INPP5A: variants seen among roughly 807,000 people sequenced by gnomAD.
INPP5A encodes 43 kDa inositol polyphosphate 5-phophatase.
INPP5A carries 14 observed loss-of-function variants against 65.2 expected under a neutral mutation model. The observed-to-expected ratio is 0.21, with a 90% CI of 0.14 to 0.34. The LOEUF (loss-of-function observed/expected upper bound fraction) is 0.34, where lower values mean the gene tolerates loss of function less well. Among genes scored for constraint, INPP5A ranks in the 10% least tolerant of loss-of-function variants. The probability of loss-of-function intolerance (pLI) is 1.00; values close to 1 mark genes in which losing one functional copy is unlikely to be tolerated. For missense variants in INPP5A, 431 were observed against 545.6 expected, an observed-to-expected ratio of 0.79 and a Z score of 2.09; for synonymous variants, 207 against 208.3, an observed-to-expected ratio of 0.99 and a Z score of 0.05.
At position 132,705,279 on chromosome 10, in the gene INPP5A, A is replaced by G. The variant is rs1215781309; in HGVS notation, c.475-3034A>G. 3.3e-5 allele frequency among the ~76,000 whole-genome samples: 5 copies of G among 152,168 alleles called. No individual in the cohort carries two copies. The highest frequency in any genetic ancestry group is 7.4e-5 in the Non-Finnish European group (5 of 68,022). Reference sequence around the variant, plus strand: ...AGGAGGCGGACATGTTTGGAATCAGAGACAAGTGTCTGGTGCAGCACGCAG... The same window carrying G: ...AGGAGGCGGACATGTTTGGAATCAGGGACAAGTGTCTGGTGCAGCACGCAG... On this transcript the variant is annotated intron_variant, in intron 6 of 15. Transcript: ENST00000368594. The surrounding 1 kb of genome is among the most constrained non-coding windows in gnomAD (Gnocchi z 4.9).
At position 132,550,615 on chromosome 10, in the gene INPP5A, C is replaced by G. The variant is rs189542279; in HGVS notation, c.75+12444C>G. Among the ~76,000 whole-genome samples the G allele has an allele frequency of 6.6e-5, 10 of 152,218 alleles. No homozygotes were observed. Among genetic ancestry groups the G allele is most frequent in the African/African-American group, 1.4e-4 (6 of 41,454 alleles). Reference sequence around the variant, plus strand: ...ACCTTCTGAATGCAAGTGGCCAAGCCGGCATTCTGGCTGGGCTCGCTGGCC... The same window carrying G: ...ACCTTCTGAATGCAAGTGGCCAAGCGGGCATTCTGGCTGGGCTCGCTGGCC... On this transcript the variant is annotated intron_variant, in intron 1 of 15. Transcript: ENST00000368594. The surrounding 1 kb of genome is among the most constrained non-coding windows in gnomAD (Gnocchi z 4.2).
intron 9 of INPP5A, among the ~76,000 whole-genome samples, chr10:132,730,661 A>G (rs1374874297): frequency 6.6e-6 from 1 of 152,218 alleles, no homozygotes; most frequent in East Asian, 1.9e-4. Context: ...CCTCCTCTGC[A>G]TGCCCCAAGT....
In INPP5A at chr10:132,575,704, G is replaced by T. The variant is rs1029934295; in HGVS notation, c.76-32211G>T. On this transcript the variant is annotated intron_variant, in intron 1 of 15. Transcript: ENST00000368594. This position sits in a 1 kb window ranked among gnomAD's most constrained non-coding sequence, Gnocchi z 5.4. Reference sequence around the variant, plus strand: ...GACAAGGAACTCCTGACGCCTCAGCGCCTGGCCCTCAGGACAGCCTTTCCC... The same window carrying T: ...GACAAGGAACTCCTGACGCCTCAGCTCCTGGCCCTCAGGACAGCCTTTCCC... Among the ~76,000 whole-genome samples, 1 of 152,160 alleles carries T rather than the reference G, an allele frequency of 6.6e-6. No homozygotes were observed. Among genetic ancestry groups the T allele is most frequent in the Non-Finnish European group, 1.5e-5 (1 of 68,020 alleles).
rs776545394 is a variant in INPP5A at position 132,690,436 on chromosome 10, C to T, written c.351C>T (p.Ile117=). 10 of 1,612,778 alleles carry T rather than the reference C, an allele frequency of 6.2e-6. No homozygotes were observed. Among genetic ancestry groups the T allele is most frequent in the Non-Finnish European group, 6.8e-6 (8 of 1,179,156 alleles). Residue 117 remains isoleucine (I), a synonymous_variant, in exon 5 of 16, where the codon ATC becomes ATT. Transcript: ENST00000368594. ...FYFLHESLKN[I]YQFDFKAKKY... ...TTCTTCATGAGTCCTTAAAAAACAT[C>T]TACCAGTTTGACTTTAAAGGTAAGA...
At chr10:132,662,967 C>T (rs1207371547) in intron 4 of INPP5A, among the ~76,000 whole-genome samples, 3 of 152,158 alleles carry the variant, frequency 2.0e-5, no homozygotes, top group Non-Finnish European at 2.9e-5. Flanking sequence ...GCCACTTACA[C>T]GTACCTTAGC....
At chr10:132,702,706 G>A (rs183378482) in intron 6 of INPP5A, among the ~76,000 whole-genome samples, 141 of 152,338 alleles carry the variant, frequency 9.3e-4, no homozygotes, top group Middle Eastern at 6.8e-3. Context: ...CAGCTCTGAC[G>A]CACATGGGAA....
At chr10:132,724,881 G>A (rs1845958076) in intron 8 of INPP5A, among the ~76,000 whole-genome samples, 1 of 146,732 alleles carries the variant, frequency 6.8e-6, no homozygotes, top group African/African-American at 2.6e-5. Flanking sequence ...CTCACGGGGA[G>A]GCCCCAGGAT....
chr10:132,573,123 T>G (rs1249605659), intron 1 of INPP5A, among the ~76,000 whole-genome samples: 27 of 147,944 alleles, frequency 1.8e-4, no homozygotes, highest in Admixed American at 5.4e-4. Flanking sequence ...GTGTGCCGTG[T>G]GAGGTTTTGT....
intron 11 of INPP5A, among the ~76,000 whole-genome samples, chr10:132,758,342 A>AG: frequency 8.4e-6 from 1 of 119,066 alleles, no homozygotes; most frequent in Non-Finnish European, 1.8e-5. Context: ...GCCCGGCACC[A>AG]TGGCGTGGGT....
rs150111467 is a variant in INPP5A at position 132,699,255 on chromosome 10, G to C, written c.474+1336G>C. Among the ~76,000 whole-genome samples the C allele has an allele frequency of 2.7e-3, 404 of 152,070 alleles. 7 individuals carry two copies. The highest frequency in any genetic ancestry group is 0.018 in the Admixed American group (269 of 15,266). ...GGGTGGGGGCTGTGGTTCCCCTGGA[G>C]AGCCTGCGAGCTGAACTCTGGCCTC... On this transcript the variant is annotated intron_variant, in intron 6 of 15. Coordinates refer to ENST00000368594, the MANE Select transcript of INPP5A (RefSeq NM_005539.5).
chr10:132,774,984 G>C (rs1310794824), intron 12 of INPP5A, among the ~76,000 whole-genome samples: 1 of 56,780 alleles, frequency 1.8e-5, no homozygotes, highest in Non-Finnish European at 3.6e-5. Context: ...ACAGGGAGGA[G>C]GGGCAGGGAG....
chr10:132,751,863 CTCTGGATGGAGGCGGGTGCCTAGGAGGT>C (rs1846486360), intron 11 of INPP5A, among the ~76,000 whole-genome samples: 1 of 44,008 alleles, frequency 2.3e-5, no homozygotes, highest in Non-Finnish European at 4.8e-5. Flanking sequence ...CCCAGGAGGT[CTCTGGATGGAGGCGGGTGCCTAGGAGGT>C]GTCTGGGTGG....
chr10:132,754,742 G>A (rs2134649792), intron 11 of INPP5A, among the ~76,000 whole-genome samples: 1 of 152,356 alleles, frequency 6.6e-6, no homozygotes, highest in South Asian at 2.1e-4. Context: ...CAGTCCCCAT[G>A]GGAAGGAGGG....
At chr10:132,764,532 G>A (rs549492128) in intron 11 of INPP5A, among the ~76,000 whole-genome samples, 1 of 142,794 alleles carries the variant, frequency 7.0e-6, no homozygotes, top group Non-Finnish European at 1.5e-5. Flanking sequence ...ACACGGTCGG[G>A]CCAGTCCTGC....
chr10:132,567,852 A>T (rs529078498), intron 1 of INPP5A, among the ~76,000 whole-genome samples: 1 of 152,166 alleles, frequency 6.6e-6, no homozygotes, highest in African/African-American at 2.4e-5. Context: ...TTGAATGATC[A>T]TATAACTTAG....
At chr10:132,556,562 A>C (rs2071129564) in intron 1 of INPP5A, among the ~76,000 whole-genome samples, 1 of 152,108 alleles carries the variant, frequency 6.6e-6, no homozygotes, top group Non-Finnish European at 1.5e-5. Context: ...CAACATACAT[A>C]TACATACATG....
chr10:132,610,580 AGGGCGCAGGTGT>A (rs1259333259), intron 2 of INPP5A, among the ~76,000 whole-genome samples: 2 of 152,210 alleles, frequency 1.3e-5, no homozygotes, highest in Non-Finnish European at 2.9e-5. Context: ...AGCTCGCTGC[AGGGCGCAGGTGT>A]GGTGGGGAGA....
intron 4 of INPP5A, among the ~76,000 whole-genome samples, chr10:132,653,253 C>T (rs533187677): frequency 6.6e-6 from 1 of 152,354 alleles, no homozygotes; most frequent in African/African-American, 2.4e-5. Context: ...TCAGCAAAAC[C>T]TCCTTCAGGC....
At chr10:132,604,343 C>T (rs1410072277) in intron 1 of INPP5A, among the ~76,000 whole-genome samples, 2 of 151,458 alleles carry the variant, frequency 1.3e-5, no homozygotes, top group African/African-American at 2.4e-5. Context: ...ATCAGGGTCC[C>T]CTCTCCATCC....
Sources: allele counts gnomAD v4.1 joint callset (sites outside exome capture counted in the v4.1 genomes callset), GRCh38; gene constraint gnomAD v4.1.1; non-coding constraint Gnocchi (gnomAD v3.1); transcripts MANE v1.5; gene names NCBI Gene and HGNC (gene_info 2026-07-23, HGNC 2026-07-21).